Variants in RFX8 observed in about 807,000 individuals in gnomAD.
RFX8 encodes the protein regulatory factor X8, also known as DNA-binding protein RFX8.
RFX8 carries 46 observed loss-of-function variants against 54.6 expected under a neutral mutation model. The observed-to-expected ratio is 0.84, with a 90% CI of 0.67 to 1.08. The LOEUF is 1.08. RFX8 is among the 50% of genes least tolerant of loss of function. The probability of loss-of-function intolerance (pLI) is 0.00; values close to 1 mark genes in which losing one functional copy is unlikely to be tolerated. For missense variants in RFX8, 536 were observed against 562.3 expected (o/e 0.95, Z 0.47); for synonymous variants, 192 against 209.5 (o/e 0.92, Z 0.72).
chr2:101,417,776 G>A (rs1686618406), intron 5 of RFX8, 92 bp from the exon 6 acceptor site: 2 of 1,094,672 alleles, frequency 1.8e-6, no homozygotes, highest in Non-Finnish European at 2.5e-6. Context: ...CGGGTCTCAA[G>A]AAGTCTGAGA....
chr2:101,452,448 TA>T, intron 2 of RFX8: 3 of 1,341,184 alleles, frequency 2.2e-6, no homozygotes, highest in South Asian at 1.9e-5. Context: ...TCTCACAAGC[TA>T]AAAGAATAAG....
intron 1 of RFX8, chr2:101,474,303 G>C: frequency 2.1e-6 from 1 of 477,100 alleles, no homozygotes; most frequent in East Asian, 3.6e-5. Context: ...GCAGCACCGA[G>C]GCAGGCAGCG....
chr2:101,448,633 A>G (rs1448243463), intron 2 of RFX8, among the ~76,000 whole-genome samples: 3 of 152,164 alleles, frequency 2.0e-5, no homozygotes, highest in Admixed American at 6.6e-5. Flanking sequence ...TGGACATCTT[A>G]GCCTCCCTCT....
Position 101,422,404 on chromosome 2 carries a change from T to C in RFX8, c.141A>G (p.Pro47=), listed in dbSNP as rs1271355344. The change falls in exon 3 of 12, where the codon CCA becomes CCG. Residue 47 remains proline (P), a synonymous_variant. Transcript: ENST00000428343. ...TCTTTGCCTGTTCTTGCTCCAGAAA[T>C]GGACATCTCCTGAATTCAGACAAAG... The part of the protein sequence containing the change: ...GSPLSEFRRC[P]FLEQEQAKKY... The C allele has an allele frequency of 2.6e-6, 4 of 1,549,454 alleles. No individual in the cohort carries two copies. Among genetic ancestry groups the C allele is most frequent in the Admixed American group, 2.0e-5 (1 of 51,006 alleles).
chr2:101,464,216 ATTCAT>A (rs1689444188), intron 2 of RFX8, among the ~76,000 whole-genome samples: 1 of 152,246 alleles, frequency 6.6e-6, no homozygotes, highest in African/African-American at 2.4e-5. Flanking sequence ...GATAGCCGGC[ATTCAT>A]TTTCTTCTTT....
At chr2:101,419,588 A>T (rs1279148887) in intron 4 of RFX8, among the ~76,000 whole-genome samples, 3 of 152,176 alleles carry the variant, frequency 2.0e-5, no homozygotes, top group Non-Finnish European at 4.4e-5. Context: ...CTTCGCCGCC[A>T]ATAAAGACTC....
chr2:101,468,632 T>TCCTAA, intron 1 of RFX8, among the ~76,000 whole-genome samples: 1 of 151,982 alleles, frequency 6.6e-6, no homozygotes, highest in Admixed American at 6.6e-5. Context: ...AGTGACTGGA[T>TCCTAA]TTAGAGCCCA....
At chr2:101,424,158 G>A (rs1484912217) in intron 2 of RFX8, among the ~76,000 whole-genome samples, 2 of 152,126 alleles carry the variant, frequency 1.3e-5, no homozygotes, top group African/African-American at 2.4e-5. Context: ...CTCTCTATTG[G>A]GTGCTGTCTA....
chr2:101,413,042 C>T lies in RFX8; in HGVS notation c.591G>A (p.Arg197=). 6.4e-7 allele frequency: 1 copy of T among 1,552,090 alleles called. No homozygotes were observed. Among genetic ancestry groups the T allele is most frequent in the Non-Finnish European group, 8.7e-7 (1 of 1,147,050 alleles). ...KTMRMVLKSK[R]RVSVLKSDLQ... ...GATCTGACTTCAAAACGCTGACACG[C>T]CTCTTACTTTTCAATACCATTCGCA... The change falls in exon 8 of 12, where the codon AGG becomes AGA. Residue 197 remains arginine, a synonymous_variant. Transcript: ENST00000428343.
At chr2:101,418,068 T>C (rs1471755418) in intron 5 of RFX8, among the ~76,000 whole-genome samples, 2 of 152,036 alleles carry the variant, frequency 1.3e-5, no homozygotes, top group African/African-American at 4.8e-5. Flanking sequence ...TTTTTTGTAT[T>C]TTTAGTAGAG....
At chr2:101,421,562 T>C (rs1274582762) in intron 4 of RFX8, 162 bp downstream of exon 4, 1 of 1,342,700 alleles carries the variant, frequency 7.4e-7, no homozygotes, top group Non-Finnish European at 9.6e-7. Flanking sequence ...CAGAACTCAA[T>C]GACTACAACA....
chr2:101,429,487 A>G lies in RFX8; in HGVS notation c.73-7015T>C, dbSNP rs58854043. Among the ~76,000 whole-genome samples, 346 of 152,312 alleles carry G rather than the reference A, an allele frequency of 2.3e-3. 2 individuals are homozygous for G. Among genetic ancestry groups the G allele is most frequent in the African/African-American group, 8.1e-3 (336 of 41,564 alleles). ...TCACCATGCCTCTTGGATTCATATA[A>G]GATAATGGAGAAATTTATACATAAT... On this transcript the variant is annotated intron_variant, in intron 2 of 11. Coordinates refer to ENST00000428343, the MANE Select transcript of RFX8 (RefSeq NM_001145664.2).
intron 2 of RFX8, among the ~76,000 whole-genome samples, chr2:101,462,660 GTACTATTATTAATAT>G (rs11275564): frequency 0.3 from 45,489 of 151,880 alleles, 7,198 homozygotes; most frequent in Middle Eastern, 0.37. Flanking sequence ...CATGAAATAG[GTACTATTATTAATAT>G]TACTATTATT....
At chr2:101,460,222 G>A (rs987960253) in intron 2 of RFX8, among the ~76,000 whole-genome samples, 1 of 152,086 alleles carries the variant, frequency 6.6e-6, no homozygotes, top group South Asian at 2.1e-4. Flanking sequence ...ACCCCACCCT[G>A]CTTCAGCTTG....
In RFX8 at chr2:101,418,032, G is replaced by T. The variant is rs143247884; in HGVS notation, c.352-348C>A. Among the ~76,000 whole-genome samples, 858 of 152,166 alleles carry T rather than the reference G, an allele frequency of 5.6e-3. 11 individuals carry two copies. Among genetic ancestry groups the T allele is most frequent in the African/African-American group, 0.02 (819 of 41,508 alleles). ...AGCCTCCCAAGTAGCTGGGATTACA[G>T]GTGCATGCCACCACACCTGGCTCAT... On this transcript the variant is annotated intron_variant, in intron 5 of 11. Coordinates refer to ENST00000428343, the MANE Select transcript of RFX8 (RefSeq NM_001145664.2).
intron 2 of RFX8, chr2:101,452,402 G>A: frequency 7.1e-7 from 1 of 1,418,076 alleles, no homozygotes; most frequent in Non-Finnish European, 9.2e-7. Context: ...TTCCTCTAGT[G>A]CCCAGCCTCC....
In RFX8 at chr2:101,418,886, G is replaced by C; in HGVS notation, c.316C>G (p.Gln106Glu). Residue 106 changes from glutamine to glutamate, a missense_variant, in exon 5 of 12, where the codon CAG becomes GAG. Physicochemically the swap from Gln to Glu is conservative, Grantham distance 29. Transcript: ENST00000428343. ...VMLMSLPDVCQLFKCYDVQLY... is the reference protein window; with the variant it reads ...VMLMSLPDVCELFKCYDVQLY... ...TGGACGTCGTAGCATTTAAAGAGCT[G>C]GCACACGTCAGGCAATGACATCAGC... 1 of 1,551,370 alleles carries C rather than the reference G, an allele frequency of 6.4e-7. No individual in the cohort carries two copies. The highest frequency in any genetic ancestry group is 2.4e-5 in the East Asian group (1 of 40,916).
chr2:101,467,032 C>T, intron 1 of RFX8, 132 bp from the exon 2 acceptor site: 1 of 624,508 alleles, frequency 1.6e-6, no homozygotes, highest in East Asian at 2.7e-5. Context: ...TTGGATGAAT[C>T]CCTGCGAAGG....
At chr2:101,440,144 T>C (rs1688016030) in intron 2 of RFX8, among the ~76,000 whole-genome samples, 1 of 151,978 alleles carries the variant, frequency 6.6e-6, no homozygotes, top group South Asian at 2.1e-4. Flanking sequence ...TCATATACCA[T>C]ACAATTCACC....
Sources: allele counts gnomAD v4.1 joint callset (sites outside exome capture counted in the v4.1 genomes callset), GRCh38; gene constraint gnomAD v4.1.1; transcripts MANE v1.5; gene names NCBI Gene and HGNC (gene_info 2026-07-23, HGNC 2026-07-21).